Variants in PDE1C observed in about 807,000 individuals in gnomAD.
The protein encoded by PDE1C is dual specificity calcium/calmodulin-dependent 3',5'-cyclic nucleotide phosphodiesterase 1C.
In PDE1C, 62 loss-of-function variants were observed where a neutral mutation model predicts 93.1. The ratio of observed to expected loss-of-function variants is 0.67; its 90% CI spans 0.54 to 0.82. The LOEUF (loss-of-function observed/expected upper bound fraction) is 0.82. Ranked by LOEUF, PDE1C falls within the 40% of genes least tolerant of loss-of-function variation. The pLI, the probability that PDE1C is intolerant of heterozygous loss-of-function variation, is 0.00. For synonymous variants in PDE1C, 325 were observed against 310.1 expected, an observed-to-expected ratio of 1.05 and a Z score of -0.50; for missense variants, 742 against 884.6, an observed-to-expected ratio of 0.84 and a Z score of 2.04.
intron 1 of PDE1C, among the ~76,000 whole-genome samples, chr7:32,405,116 A>T (rs1056781684): frequency 1.3e-5 from 2 of 152,162 alleles, no homozygotes; most frequent in Non-Finnish European, 2.9e-5. Flanking sequence ...GTTGTACAGT[A>T]TCATTCTGTT....
At chr7:31,946,581 T>C (rs1251539731) in intron 2 of PDE1C, among the ~76,000 whole-genome samples, 1 of 152,210 alleles carries the variant, frequency 6.6e-6, no homozygotes, top group Non-Finnish European at 1.5e-5. Context: ...AAGGAAATGC[T>C]AAACCATCAC....
At chr7:31,788,907 CTCTT>C (rs1361398880) in intron 16 of PDE1C, 18 of 152,300 alleles carry the variant, frequency 1.2e-4, no homozygotes, top group Admixed American at 9.2e-4. Context: ...CACATACAGT[CTCTT>C]TCTTTCTGCC....
At chr7:32,206,093 C>A (rs73106520) in intron 2 of PDE1C, among the ~76,000 whole-genome samples, 51,044 of 151,842 alleles carry the variant, frequency 0.34, 9,262 homozygotes, top group Admixed American at 0.46. Flanking sequence ...CTGCTCAACG[C>A]GGCACAGAAT....
the PDE1C span, among the ~76,000 whole-genome samples, chr7:31,620,578 A>G: frequency 1.5e-4 from 23 of 151,424 alleles, no homozygotes; most frequent in African/African-American, 5.6e-4. Flanking sequence ...ACTAACAAAC[A>G]GAAAGGACAT....
At chr7:32,394,583 G>A (rs181057410) in intron 1 of PDE1C, among the ~76,000 whole-genome samples, 53 of 152,336 alleles carry the variant, frequency 3.5e-4, no homozygotes, top group Non-Finnish European at 6.8e-4. Context: ...TGATGCAGGA[G>A]GCTCACTTGA....
chr7:31,821,697 C>T (rs1788986443), intron 14 of PDE1C, among the ~76,000 whole-genome samples: 1 of 152,070 alleles, frequency 6.6e-6, no homozygotes, highest in Admixed American at 6.6e-5. Context: ...CCTAAAAGTG[C>T]CATAAATATA....
intron 1 of PDE1C, among the ~76,000 whole-genome samples, chr7:32,368,092 C>A (rs181734825): frequency 6.6e-6 from 1 of 152,248 alleles, no homozygotes; most frequent in Admixed American, 6.5e-5. Flanking sequence ...CAAGGGTGCC[C>A]ATGCTCGCCA....
the PDE1C span, among the ~76,000 whole-genome samples, chr7:31,709,197 T>A: frequency 6.6e-6 from 1 of 152,172 alleles, no homozygotes; most frequent in Non-Finnish European, 1.5e-5. Flanking sequence ...AAAACCTTCA[T>A]CGTTACTGAC....
intron 1 of PDE1C, among the ~76,000 whole-genome samples, chr7:32,425,960 A>G (rs1483362408): frequency 6.6e-6 from 1 of 151,940 alleles, no homozygotes; most frequent in Non-Finnish European, 1.5e-5. Context: ...AAGAAAGAGG[A>G]AGGAAGGAAG....
rs1798419380 is a variant in PDE1C, at chr7:32,107,949, A to G, written c.308+61836T>C. Reference sequence around the variant, plus strand: ...AAAAGTGGATTTGGATCTGTTGTATATGTATATTGCAAATTCTAGGGCAAT... The same window carrying G: ...AAAAGTGGATTTGGATCTGTTGTATGTGTATATTGCAAATTCTAGGGCAAT... On this transcript the variant is annotated intron_variant, in intron 3 of 18. Transcript: ENST00000396193. 1.3e-5 allele frequency among the ~76,000 whole-genome samples: 2 copies of G among 151,978 alleles called. 1 individual carries two copies. Among genetic ancestry groups the G allele is most frequent in the East Asian group, 3.8e-4 (2 of 5,202 alleles).
At chr7:32,311,080 G>A (rs1001131765) in intron 1 of PDE1C, among the ~76,000 whole-genome samples, 16 of 152,160 alleles carry the variant, frequency 1.1e-4, no homozygotes, top group South Asian at 4.2e-4. Context: ...TATCACCACC[G>A]ATCCCACAGA....
chr7:31,731,423 C>T, the PDE1C span, among the ~76,000 whole-genome samples: 2 of 152,076 alleles, frequency 1.3e-5, no homozygotes, highest in Non-Finnish European at 2.9e-5. Flanking sequence ...GAGAGTCTCG[C>T]TCTGTCACCC....
chr7:31,822,928 T>G (rs1041961899), intron 14 of PDE1C, 145 bp downstream of exon 14: 1 of 664,004 alleles, frequency 1.5e-6, no homozygotes, highest in Admixed American at 2.9e-5. Flanking sequence ...GTAGATATTA[T>G]GAAGATCAAA....
At chr7:32,313,874 T>G (rs1783111102) in intron 1 of PDE1C, among the ~76,000 whole-genome samples, 1 of 151,844 alleles carries the variant, frequency 6.6e-6, no homozygotes, top group Non-Finnish European at 1.5e-5. Flanking sequence ...CTGAACATTG[T>G]GCACATGTAC....
intron 2 of PDE1C, among the ~76,000 whole-genome samples, chr7:31,958,889 T>C (rs1808515108): frequency 6.6e-6 from 1 of 152,170 alleles, no homozygotes; most frequent in Non-Finnish European, 1.5e-5. Context: ...AAGGAATACA[T>C]TTCCAGACCT....
At chr7:31,892,179 C>T (rs143777200) in intron 2 of PDE1C, among the ~76,000 whole-genome samples, 16 of 152,292 alleles carry the variant, frequency 1.1e-4, no homozygotes, top group African/African-American at 2.4e-4. Context: ...CCAGATCCTT[C>T]GGCTTGGCCT....
intron 2 of PDE1C, among the ~76,000 whole-genome samples, chr7:32,177,657 C>A (rs756175573): frequency 6.6e-5 from 10 of 152,160 alleles, no homozygotes; most frequent in Non-Finnish European, 1.2e-4. Context: ...AATCAGCTTA[C>A]CCTGCCTCGC....
intron 3 of PDE1C, among the ~76,000 whole-genome samples, chr7:32,165,923 G>T (rs1447356306): frequency 6.6e-6 from 1 of 151,924 alleles, no homozygotes; most frequent in African/African-American, 2.4e-5. Flanking sequence ...CCTAGATCTG[G>T]GATGAGCCCA....
downstream of PDE1C, among the ~76,000 whole-genome samples, chr7:31,749,830 C>T (rs951141833): frequency 4.0e-5 from 6 of 151,616 alleles, no homozygotes; most frequent in South Asian, 1.3e-3. Context: ...CTCTGCCTCC[C>T]AGGTTCAAGT....
Sources: gnomAD v4.1 joint callset for allele counts (sites outside exome capture counted in the v4.1 genomes callset) on GRCh38, gnomAD v4.1.1 for gene constraint, MANE v1.5 for transcripts, NCBI Gene and HGNC (gene_info 2026-07-23, HGNC 2026-07-21) for gene names.